EFL1: variants seen among roughly 807,000 people sequenced by gnomAD.
The protein encoded by EFL1 is elongation factor-like GTPase 1.
Under a neutral mutation model 126.7 loss-of-function variants are expected in EFL1, and 76 were observed. The ratio of observed to expected loss-of-function variants is 0.60; its 90% CI spans 0.50 to 0.73. The LOEUF (loss-of-function observed/expected upper bound fraction) is 0.73, where lower values mean the gene tolerates loss of function less well. Among genes scored for constraint, EFL1 ranks in the 30% least tolerant of loss-of-function variants. EFL1 has a pLI of 0.00. For synonymous variants in EFL1, 410 were observed against 448.4 expected (o/e 0.91, Z 1.08); for missense variants, 1,128 against 1,343.2 (o/e 0.84, Z 2.50).
chr15:82,139,921 C>T (rs895787546), intron 18 of EFL1, among the ~76,000 whole-genome samples: 2 of 152,138 alleles, frequency 1.3e-5, no homozygotes, highest in Admixed American at 6.5e-5. Context: ...TAGAAACTGA[C>T]GACACAAAGC....
At chr15:82,230,221 GT>G (rs1458905996) in intron 8 of EFL1, among the ~76,000 whole-genome samples, 1 of 152,052 alleles carries the variant, frequency 6.6e-6, no homozygotes, top group African/African-American at 2.4e-5. Flanking sequence ...TGATTTTTTT[GT>G]TTACTGTGGC....
At chr15:82,134,298 C>A (rs1193553800) in intron 19 of EFL1, among the ~76,000 whole-genome samples, 4 of 152,044 alleles carry the variant, frequency 2.6e-5, no homozygotes, top group African/African-American at 9.7e-5. Context: ...TTATGGTTGT[C>A]CAGCTTGTGC....
In EFL1 at chr15:82,211,581, CTAGACACATACTAG is replaced by C. The variant is rs147081812; in HGVS notation, c.1750+3122_1750+3135del. 3.2e-3 allele frequency among the ~76,000 whole-genome samples: 237 copies of C among 73,118 alleles called. 8 individuals are homozygous for C. Among genetic ancestry groups the C allele is most frequent in the Middle Eastern group, 6.6e-3 (1 of 152 alleles). The allele number at this position is 73,118 out of a possible 152,430, so 48.0% of individuals were successfully genotyped here. A position where few individuals can be genotyped will look rare whatever the true frequency, so the allele number is the denominator to read the frequency against. ...ACACACACACACACACACACACACA[CTAGACACATACTAG>C]ACACACACACACACACACACACACT... On this transcript the variant is annotated intron_variant, in intron 15 of 19. Transcript: ENST00000268206.
intron 15 of EFL1, among the ~76,000 whole-genome samples, chr15:82,192,681 T>C (rs1483840260): frequency 6.6e-6 from 1 of 152,122 alleles, no homozygotes; most frequent in Non-Finnish European, 1.5e-5. Context: ...GCAACAGTAA[T>C]GAATTTGAAA....
Position 82,220,222 on chromosome 15 carries a change from T to C in EFL1, c.1300A>G (p.Thr434Ala). ...CGTCTCTGAGCAATTTCTTCTTGAG[T>C]GAGAGGCCTACAGGATATCACAAAT... ...ALPQNKPRPL[T>A]QEEIAQRRER... Residue 434 changes from threonine (T) to alanine (A), a missense_variant, in exon 13 of 20, where the codon ACT (threonine) becomes GCT (alanine). By Grantham distance (58) the Thr-to-Ala change is moderately conservative (BLOSUM62 0). Around this residue, in one of 6 missense-constraint regions of EFL1, gnomAD observed 10 missense variants for 32.2 expected, o/e 0.31. Transcript: ENST00000268206. The C allele has an allele frequency of 1.3e-6, 2 of 1,598,536 alleles. No homozygotes were observed. The highest frequency in any genetic ancestry group is 1.7e-6 in the Non-Finnish European group (2 of 1,175,236).
intron 15 of EFL1, among the ~76,000 whole-genome samples, chr15:82,181,321 T>G (rs960196515): frequency 3.3e-5 from 5 of 152,218 alleles, no homozygotes; most frequent in African/African-American, 1.2e-4. Context: ...GAAAATAATA[T>G]TTAAAGCTTC....
intron 15 of EFL1, among the ~76,000 whole-genome samples, chr15:82,186,334 CA>C (rs2074303411): frequency 6.6e-6 from 1 of 152,076 alleles, no homozygotes; most frequent in East Asian, 1.9e-4. Flanking sequence ...GGGGAAAGGC[CA>C]TTAACATAAC....
At chr15:82,227,362 A>T in intron 11 of EFL1, 88 bp downstream of exon 11, 2 of 1,595,830 alleles carry the variant, frequency 1.3e-6, no homozygotes, top group Non-Finnish European at 1.7e-6. Flanking sequence ...CCATTTAGCA[A>T]ACTAGCGTTC....
intron 15 of EFL1, among the ~76,000 whole-genome samples, chr15:82,213,981 T>A (rs974986921): frequency 6.6e-5 from 10 of 152,228 alleles, no homozygotes; most frequent in African/African-American, 2.4e-4. Flanking sequence ...ACCAACAGAC[T>A]AGGCCTTTTT....
intron 6 of EFL1, 95 bp downstream of exon 6, chr15:82,240,323 T>A: frequency 8.0e-7 from 1 of 1,249,180 alleles, no homozygotes; most frequent in Non-Finnish European, 1.1e-6. Context: ...GTGGAAAAGT[T>A]CCCTTTTCTG....
In EFL1 at chr15:82,196,701, G is replaced by T. The variant is rs113060320; in HGVS notation, c.1750+18016C>A. On this transcript the variant is annotated intron_variant, in intron 15 of 19. Coordinates refer to ENST00000268206, the MANE Select transcript of EFL1 (RefSeq NM_024580.6). The stretch of plus-strand genomic sequence containing the variant: ...ATGCAGTTGGTACTAAATAAACGTT[G>T]GTTAAATCTAATTTGATATATCTTT... 4.7e-3 allele frequency among the ~76,000 whole-genome samples: 720 copies of T among 152,292 alleles called. 11 individuals carry two copies. Among genetic ancestry groups the T allele is most frequent in the African/African-American group, 0.017 (692 of 41,566 alleles).
At position 82,151,483 on chromosome 15, in the gene EFL1, C is replaced by A. The variant is rs78664413; in HGVS notation, c.2971G>T (p.Ala991Ser). 4 of 1,607,594 alleles carry A rather than the reference C, an allele frequency of 2.5e-6. No homozygotes were observed. Among genetic ancestry groups the A allele is most frequent in the South Asian group, 2.2e-5 (2 of 89,696 alleles). ...TCCTTACCGAGAACATCACCAGTGG[C>A]CATGATGTCACATGTGTACATAGCT... is the stretch of plus-strand genomic sequence containing the variant. Reference protein sequence around the residue: ...MAAMYTCDIMATGDVLGRVYA... With the variant: ...MAAMYTCDIMSTGDVLGRVYA... The change falls in exon 18 of 20, where the codon GCC (alanine) becomes TCC (serine). Residue 991 changes from alanine to serine, a missense_variant. Around this residue, in one of 6 missense-constraint regions of EFL1, gnomAD observed 561 missense variants for 641.7 expected, o/e 0.87. Coordinates refer to ENST00000268206, the MANE Select transcript of EFL1 (RefSeq NM_024580.6).
chr15:82,228,869 T>C (rs865855761), intron 9 of EFL1, among the ~76,000 whole-genome samples, 165 bp downstream of exon 9: 8 of 152,214 alleles, frequency 5.3e-5, no homozygotes, highest in Admixed American at 2.6e-4. Context: ...CTGGGTTACA[T>C]AGGCTTCTTT....
At chr15:82,172,955 T>C (rs1220576693) in intron 15 of EFL1, among the ~76,000 whole-genome samples, 1 of 152,222 alleles carries the variant, frequency 6.6e-6, no homozygotes, top group Non-Finnish European at 1.5e-5. Flanking sequence ...TATCTTTGAA[T>C]TTCATTCCTG....
intron 15 of EFL1, among the ~76,000 whole-genome samples, chr15:82,199,174 A>AG (rs2141279599): frequency 6.6e-6 from 1 of 152,286 alleles, no homozygotes; most frequent in South Asian, 2.1e-4. Flanking sequence ...AGATAAAATT[A>AG]GGGAGAGGCT....
intron 19 of EFL1, among the ~76,000 whole-genome samples, chr15:82,132,688 G>GA (rs1472894894): frequency 2.4e-5 from 3 of 123,446 alleles, no homozygotes; most frequent in African/African-American, 8.9e-5. Flanking sequence ...AATTGGGGGG[G>GA]GGGGGGGGTA....
At chr15:82,197,731 G>GA (rs1336775114) in intron 15 of EFL1, among the ~76,000 whole-genome samples, 1 of 151,896 alleles carries the variant, frequency 6.6e-6, no homozygotes, top group South Asian at 2.1e-4. Context: ...GCAAGAGAAT[G>GA]AAAAAAAGGG....
intron 3 of EFL1, among the ~76,000 whole-genome samples, chr15:82,257,938 G>C (rs1326695147): frequency 2.6e-5 from 4 of 152,018 alleles, no homozygotes; most frequent in South Asian, 4.1e-4. Flanking sequence ...AAATTCTCAA[G>C]TGGGGAAAAT....
intron 15 of EFL1, among the ~76,000 whole-genome samples, chr15:82,164,683 G>A (rs899431663): frequency 2.0e-5 from 3 of 151,662 alleles, no homozygotes; most frequent in East Asian, 2.0e-4. Flanking sequence ...GGATCACAAG[G>A]TCAGGAGATC....
Sources: allele counts gnomAD v4.1 joint callset (sites outside exome capture counted in the v4.1 genomes callset), GRCh38; gene constraint gnomAD v4.1.1; regional missense constraint gnomAD v4.1.1; transcripts MANE v1.5; gene names NCBI Gene and HGNC (gene_info 2026-07-23, HGNC 2026-07-21).